PKP2: variants seen among roughly 807,000 people sequenced by gnomAD.
PKP2 encodes the protein plakophilin 2.
PKP2 carries 73 observed loss-of-function variants against 83.4 expected under a neutral mutation model. That is an observed-to-expected ratio of 0.88 (90% confidence interval 0.72 to 1.06). The LOEUF is 1.06. Ranked by LOEUF, PKP2 falls within the 50% of genes least tolerant of loss-of-function variation. The pLI is 0.00. For missense variants in PKP2, 966 were observed against 1,065.4 expected (o/e 0.91, Z 1.30); for synonymous variants, 409 against 430.4 (o/e 0.95, Z 0.62).
At chr12:32,894,938 T>G (rs909432971) in intron 1 of PKP2, among the ~76,000 whole-genome samples, 1 of 152,140 alleles carries the variant, frequency 6.6e-6, no homozygotes, top group Non-Finnish European at 1.5e-5. Flanking sequence ...TCCCCAGCCT[T>G]TCAGAACTTC....
intron 6 of PKP2, among the ~76,000 whole-genome samples, chr12:32,833,276 G>T (rs1399997137): frequency 1.3e-5 from 2 of 151,954 alleles, no homozygotes; most frequent in Non-Finnish European, 2.9e-5. Context: ...CAAAAAGAAA[G>T]AAAAGAAAAT....
Position 32,877,970 on chromosome 12 carries a change from C to T in PKP2, c.910G>A (p.Ala304Thr). 1 of 1,614,158 alleles carries T rather than the reference C, an allele frequency of 6.2e-7. No individual in the cohort carries two copies. The highest frequency in any genetic ancestry group is 2.2e-5 in the East Asian group (1 of 44,882). The change falls in exon 3 of 13, where the codon GCT becomes ACT. Residue 304 changes from alanine to threonine, a missense_variant. By Grantham distance (58) the Ala-to-Thr change is moderately conservative (BLOSUM62 0). Transcript: ENST00000340811. ...SFHSTRTLREAGPSVAVDSSG... is the reference protein window; with the variant it reads ...SFHSTRTLRETGPSVAVDSSG... ...GAATCCACGGCGACACTGGGCCCAG[C>T]TTCCCTCAGCGTGCGGGTGCTGTGG... is the stretch of plus-strand genomic sequence containing the variant.
At chr12:32,868,344 G>A (rs534639998) in intron 4 of PKP2, among the ~76,000 whole-genome samples, 2 of 152,094 alleles carry the variant, frequency 1.3e-5, no homozygotes, top group African/African-American at 2.4e-5. Context: ...CTCCCAAGTA[G>A]CTGGGGTTAC....
chr12:32,811,775 A>G (rs1048509330), intron 9 of PKP2, among the ~76,000 whole-genome samples: 2 of 152,222 alleles, frequency 1.3e-5, no homozygotes, highest in African/African-American at 4.8e-5. Context: ...GATGTTTCAT[A>G]TACTCCTGTC....
In PKP2 at chr12:32,863,426, C is replaced by T. The variant is rs1956818785; in HGVS notation, c.1170+5501G>A. The T allele has an allele frequency of 5.2e-5, 12 of 228,616 alleles. No homozygotes were observed. The South Asian group carries it at 8.9e-4, about 17-fold the overall frequency. The allele number at this position is 228,616 out of a possible 1,614,324, so 14.2% of individuals were successfully genotyped here. A position where few individuals can be genotyped will look rare whatever the true frequency, so the allele number is the denominator to read the frequency against. ...AGAGTCCGAGTGATGCTGTACCCCT[C>T]AAGGATTTAAACTAATGAAACAATA... On this transcript the variant is annotated intron_variant, in intron 4 of 12. Transcript: ENST00000340811.
intron 5 of PKP2, among the ~76,000 whole-genome samples, chr12:32,848,415 ACT>A (rs1956667692): frequency 1.3e-5 from 2 of 152,064 alleles, no homozygotes; most frequent in Non-Finnish European, 2.9e-5. Flanking sequence ...ACAGAGCAAG[ACT>A]CTGTCTCAAA....
chr12:32,891,434 A>G (rs1320813098), intron 1 of PKP2, among the ~76,000 whole-genome samples: 1 of 152,230 alleles, frequency 6.6e-6, no homozygotes, highest in African/African-American at 2.4e-5. Flanking sequence ...TGATCAGACT[A>G]GGAATTCAAT....
rs1264798685 is a variant in PKP2, at chr12:32,821,520, C to G, written c.1849G>C (p.Asp617His). Residue 617 changes from aspartate to histidine, a missense_variant, in exon 9 of 13, where the codon GAC (aspartate) becomes CAC (histidine). Physicochemically the swap from Asp to His is moderately conservative, Grantham distance 81 (BLOSUM62 -1). Transcript: ENST00000340811. The part of the protein sequence containing the change: ...RSRKVKEQYQ[D>H]VPMPEEKSNP... ...CTCTTTTCCTCCGGCATCGGCACGT[C>G]CTGGTATTGCTGACCACACACAAAA... The G allele has an allele frequency of 6.2e-7, 1 of 1,613,996 alleles. No individual in the cohort carries two copies. Among genetic ancestry groups the G allele is most frequent in the South Asian group, 1.1e-5 (1 of 91,070 alleles).
At chr12:32,800,336 A>T (rs1270566990) in intron 10 of PKP2, among the ~76,000 whole-genome samples, 1 of 152,178 alleles carries the variant, frequency 6.6e-6, no homozygotes, top group Non-Finnish European at 1.5e-5. Context: ...TACAGCGTTG[A>T]TCATTATTCC....
At chr12:32,855,190 C>G (rs1324407832) in intron 4 of PKP2, among the ~76,000 whole-genome samples, 2 of 152,174 alleles carry the variant, frequency 1.3e-5, no homozygotes, top group Non-Finnish European at 2.9e-5. Context: ...GTGACTACAT[C>G]TTTTGTAATA....
At chr12:32,853,589 C>T (rs935531364) in intron 4 of PKP2, among the ~76,000 whole-genome samples, 8 of 150,388 alleles carry the variant, frequency 5.3e-5, no homozygotes, top group Admixed American at 4.6e-4. Context: ...TCACTGCAAT[C>T]TCCGCCCCCT....
chr12:32,845,687 T>C (rs915411542), intron 5 of PKP2, among the ~76,000 whole-genome samples: 17 of 152,138 alleles, frequency 1.1e-4, no homozygotes, highest in African/African-American at 3.9e-4. Flanking sequence ...CTATCTTCAG[T>C]GAAAAAGAAT....
chr12:32,841,017 G>C lies in PKP2; in HGVS notation c.1556+11C>G, dbSNP rs754845481. 26 of 1,608,770 alleles carry C rather than the reference G, an allele frequency of 1.6e-5. No individual in the cohort carries two copies. Among genetic ancestry groups the C allele is most frequent in the Non-Finnish European group, 2.2e-5 (26 of 1,176,546 alleles). ...GCATCTTCTATCAGGGCAGGGTACA[G>C]GTAGCATTACCTTAGGCATCCAGTG... On this transcript the variant is annotated intron_variant, in intron 6 of 12. Transcript: ENST00000340811.
intron 9 of PKP2, among the ~76,000 whole-genome samples, chr12:32,809,252 C>T (rs1239938620): frequency 6.6e-6 from 1 of 152,134 alleles, no homozygotes; most frequent in Admixed American, 6.5e-5. Flanking sequence ...GGAGGCCCTG[C>T]CCAGTGAGGA....
At position 32,877,856 on chromosome 12, in the gene PKP2, A is replaced by G. The variant is rs563797120; in HGVS notation, c.1024T>C (p.Ser342Pro). 1.9e-6 allele frequency: 3 copies of G among 1,611,970 alleles called. No individual in the cohort carries two copies. The South Asian group carries it at 3.3e-5, about 18-fold the overall frequency. Residue 342 changes from serine to proline, a missense_variant, in exon 3 of 13, where the codon TCC becomes CCC. By Grantham distance (74) the Ser-to-Pro change is moderately conservative. Coordinates refer to ENST00000340811, the MANE Select transcript of PKP2 (RefSeq NM_001005242.3). ...LLTERSTFTDSQLGNADMEMT... is the reference protein window; with the variant it reads ...LLTERSTFTDPQLGNADMEMT... ...CAGGAGGGGACTTACCCCAGCTGGG[A>G]GTCAGTGAAAGTGCTTCTCTCAGTG... is the stretch of plus-strand genomic sequence containing the variant.
At chr12:32,801,198 A>G (rs1956174920) in intron 10 of PKP2, among the ~76,000 whole-genome samples, 1 of 152,226 alleles carries the variant, frequency 6.6e-6, no homozygotes, top group Non-Finnish European at 1.5e-5. Flanking sequence ...CCCGACATTT[A>G]GGGGACTGCA....
intron 5 of PKP2, among the ~76,000 whole-genome samples, chr12:32,847,752 A>G (rs1047227535): frequency 6.6e-6 from 1 of 152,130 alleles, no homozygotes; most frequent in African/African-American, 2.4e-5. Context: ...AAGGTCCACA[A>G]TGAAACATAA....
chr12:32,882,952 T>A (rs1020110377), intron 1 of PKP2, among the ~76,000 whole-genome samples: 1 of 152,134 alleles, frequency 6.6e-6, no homozygotes, highest in Non-Finnish European at 1.5e-5. Context: ...ATAGTTTTGA[T>A]CTGAGGACAA....
At chr12:32,852,751 TG>T (rs1410914157) in intron 4 of PKP2, among the ~76,000 whole-genome samples, 1 of 152,134 alleles carries the variant, frequency 6.6e-6, no homozygotes, top group Non-Finnish European at 1.5e-5. Flanking sequence ...ACAGCAATTT[TG>T]TTGGACTGTG....
Sources: allele counts gnomAD v4.1 joint callset (sites outside exome capture counted in the v4.1 genomes callset), GRCh38; gene constraint gnomAD v4.1.1; transcripts MANE v1.5; gene names NCBI Gene and HGNC (gene_info 2026-07-23, HGNC 2026-07-21).